The following ADORA2B variants were observed in gnomAD, a reference collection of about 807,000 sequenced individuals.
ADORA2B encodes adenosine receptor A2b.
A neutral mutation model predicts 20.8 loss-of-function variants in ADORA2B; 18 were observed. That is an observed-to-expected ratio of 0.87 (90% CI 0.60 to 1.29). The LOEUF (loss-of-function observed/expected upper bound fraction) is 1.29. ADORA2B is among the 50% of genes most tolerant of loss of function. The pLI is 0.00. For missense variants in ADORA2B, 441 were observed against 422.7 expected (o/e 1.04, Z -0.38); for synonymous variants, 179 against 178.3 (o/e 1.00, Z -0.03).
At chr17:15,884,423 T>C in the ADORA2B span, among the ~76,000 whole-genome samples, 1 of 152,188 alleles carries the variant, frequency 6.6e-6, no homozygotes, top group Non-Finnish European at 1.5e-5. Flanking sequence ...TTTTAACTTC[T>C]GGGGTACACG....
chr17:15,925,723 A>C, the ADORA2B span, among the ~76,000 whole-genome samples: 1 of 152,148 alleles, frequency 6.6e-6, no homozygotes, highest in Non-Finnish European at 1.5e-5. Context: ...ACCAGACAGC[A>C]CTTTGGGAGG....
At chr17:15,934,614 T>A in the ADORA2B span, among the ~76,000 whole-genome samples, 1 of 152,312 alleles carries the variant, frequency 6.6e-6, no homozygotes, top group East Asian at 1.9e-4. Flanking sequence ...ACCTTTTTAA[T>A]TCTCTTGTCA....
intron 1 of ADORA2B, among the ~76,000 whole-genome samples, chr17:15,965,262 A>C (rs185534516): frequency 6.0e-4 from 91 of 152,324 alleles, no homozygotes; most frequent in Non-Finnish European, 1.1e-3. Flanking sequence ...GTGGGTGTTC[A>C]ACATGTTTCT....
intron 1 of ADORA2B, among the ~76,000 whole-genome samples, chr17:15,950,329 G>A (rs1170716635): frequency 1.3e-5 from 2 of 152,064 alleles, no homozygotes; most frequent in African/African-American, 2.4e-5. Flanking sequence ...CAGCCTTCTC[G>A]CCCTGCTTGT....
chr17:15,945,957 C>G (rs774288913), intron 1 of ADORA2B, among the ~76,000 whole-genome samples: 1 of 152,240 alleles, frequency 6.6e-6, no homozygotes, highest in Middle Eastern at 3.4e-3. Context: ...GATCACATCT[C>G]CACTCCTGCC....
chr17:15,947,096 G>A (rs578236439), intron 1 of ADORA2B, among the ~76,000 whole-genome samples: 19 of 152,156 alleles, frequency 1.2e-4, no homozygotes, highest in Admixed American at 2.6e-4. Flanking sequence ...GCTGCTGCCC[G>A]TGCTGTTGGA....
At chr17:15,860,241 T>C in the ADORA2B span, among the ~76,000 whole-genome samples, 1 of 152,226 alleles carries the variant, frequency 6.6e-6, no homozygotes, top group East Asian at 1.9e-4. Flanking sequence ...GGAGTCTTGC[T>C]GATGCTCCCA....
chr17:15,906,076 C>T, the ADORA2B span, among the ~76,000 whole-genome samples: 2 of 152,198 alleles, frequency 1.3e-5, no homozygotes. Flanking sequence ...TTATTTCTAC[C>T]TTTCCAATTC....
chr17:15,955,506 A>G (rs961272412), intron 1 of ADORA2B, among the ~76,000 whole-genome samples: 5 of 150,632 alleles, frequency 3.3e-5, no homozygotes, highest in African/African-American at 4.9e-5. Context: ...TCCCGGGCTC[A>G]GGCAATTCTC....
intron 1 of ADORA2B, among the ~76,000 whole-genome samples, chr17:15,956,445 CT>C (rs902491656): frequency 1.4e-4 from 21 of 152,126 alleles, no homozygotes; most frequent in African/African-American, 4.8e-4. Flanking sequence ...ACTGGAGCCT[CT>C]CATCCTGGCC....
At chr17:15,942,325 C>T (rs939697048), upstream of ADORA2B, among the ~76,000 whole-genome samples, 2 of 152,060 alleles carry the variant, frequency 1.3e-5, no homozygotes, top group African/African-American at 4.8e-5. Flanking sequence ...ACCTCTTGCT[C>T]CTGCTTTCCC....
the ADORA2B span, among the ~76,000 whole-genome samples, chr17:15,857,405 G>A: frequency 9.7e-4 from 148 of 152,234 alleles, 1 homozygote; most frequent in Non-Finnish European, 9.7e-4. Flanking sequence ...GCACTGCCTA[G>A]TGGAGCTGTG....
At chr17:15,962,907 C>T (rs1251574234) in intron 1 of ADORA2B, among the ~76,000 whole-genome samples, 1 of 152,170 alleles carries the variant, frequency 6.6e-6, no homozygotes, top group African/African-American at 2.4e-5. Flanking sequence ...TGTTTTTGAG[C>T]ACTTTCTTAT....
the ADORA2B span, among the ~76,000 whole-genome samples, chr17:15,935,598 C>CA: frequency 6.6e-6 from 1 of 152,076 alleles, no homozygotes; most frequent in East Asian, 1.9e-4. Context: ...TTTTTTTCAT[C>CA]AAATTTGGGA....
chr17:15,923,206 A>ATTTTTTTTTTTTTTTT, the ADORA2B span, among the ~76,000 whole-genome samples: 70 of 113,456 alleles, frequency 6.2e-4, no homozygotes, highest in Middle Eastern at 4.7e-3. Context: ...TCTTTTTTTA[A>ATTTTTTTTTTTTTTTT]TTTTTTTTTT....
chr17:15,970,921 A>T (rs1970182762), intron 1 of ADORA2B, among the ~76,000 whole-genome samples: 2 of 152,160 alleles, frequency 1.3e-5, no homozygotes, highest in African/African-American at 4.8e-5. Flanking sequence ...AAGGATGGTC[A>T]TGGGGCAGAG....
the ADORA2B span, among the ~76,000 whole-genome samples, chr17:15,928,810 C>T: frequency 1.3e-5 from 2 of 151,976 alleles, no homozygotes; most frequent in Admixed American, 6.6e-5. Flanking sequence ...GAGTGTCTGG[C>T]GACAGAAGGA....
chr17:15,961,279 G>GA lies in ADORA2B; in HGVS notation c.336-13386dup, dbSNP rs537170795. Among the ~76,000 whole-genome samples the GA allele has an allele frequency of 3.7e-3, 540 of 144,962 alleles. 28 individuals are homozygous for GA. The South Asian group carries it at 0.097, about 26-fold the overall frequency. On this transcript the variant is annotated intron_variant, in intron 1 of 1. Coordinates refer to ENST00000304222, the MANE Select transcript of ADORA2B (RefSeq NM_000676.4). The stretch of plus-strand genomic sequence containing the variant: ...CAACAGAGTGAGACCTTTTCTTGGG[G>GA]AAAAAAAAAAAAAATTAACATTTTT...
At chr17:15,959,107 G>A (rs60117866) in intron 1 of ADORA2B, among the ~76,000 whole-genome samples, 15,095 of 152,182 alleles carry the variant, frequency 0.099, 2,501 homozygotes, top group African/African-American at 0.34. Context: ...AGGAGAAACT[G>A]AAGAGGCCAA....
Sources: gnomAD v4.1 joint callset for allele counts (sites outside exome capture counted in the v4.1 genomes callset) on GRCh38, gnomAD v4.1.1 for gene constraint, MANE v1.5 for transcripts, NCBI Gene and HGNC (gene_info 2026-07-23, HGNC 2026-07-21) for gene names.